The following SLC30A8 variants were observed in gnomAD, a reference collection of about 807,000 sequenced individuals.
SLC30A8 encodes solute carrier family 30 member 8.
Under a neutral mutation model 36.9 loss-of-function variants are expected in SLC30A8, and 27 were observed. The ratio of observed to expected loss-of-function variants is 0.73; its 90% CI spans 0.54 to 1.01. The LOEUF (loss-of-function observed/expected upper bound fraction) is 1.01, where lower values mean the gene tolerates loss of function less well. SLC30A8 is among the 50% of genes least tolerant of loss of function. The pLI is 0.00. For synonymous variants in SLC30A8, 164 were observed against 172.4 expected (o/e 0.95, Z 0.38); for missense variants, 439 against 452.0 (o/e 0.97, Z 0.26).
At chr8:117,153,723 G>GGTGGGTGTGTGTGTGT (rs1554591090) in intron 3 of SLC30A8, among the ~76,000 whole-genome samples, 13 of 146,910 alleles carry the variant, frequency 8.8e-5, no homozygotes, top group African/African-American at 3.3e-4. Flanking sequence ...CATGATAAGG[G>GGTGGGTGTGTGTGTGT]GTGTGTGTGT....
At chr8:117,083,248 A>G (rs1382263748) in intron 2 of SLC30A8, among the ~76,000 whole-genome samples, 2 of 152,264 alleles carry the variant, frequency 1.3e-5, no homozygotes, top group Non-Finnish European at 1.5e-5. Context: ...ATGCTATGAT[A>G]TGCTGCCCAG....
At chr8:117,022,466 G>C (rs539465157) in intron 1 of SLC30A8, among the ~76,000 whole-genome samples, 114 of 152,306 alleles carry the variant, frequency 7.5e-4, no homozygotes, top group African/African-American at 2.4e-3. Context: ...ATAAACCAGA[G>C]ATCACTACTG....
intron 1 of SLC30A8, among the ~76,000 whole-genome samples, chr8:116,983,938 G>T (rs1214376159): frequency 6.6e-6 from 1 of 152,072 alleles, no homozygotes; most frequent in African/African-American, 2.4e-5. Context: ...AAGATGCAGG[G>T]CTATTTCTTC....
intron 1 of SLC30A8, among the ~76,000 whole-genome samples, chr8:116,975,280 A>C (rs181304714): frequency 6.6e-6 from 1 of 152,220 alleles, no homozygotes; most frequent in African/African-American, 2.4e-5. Flanking sequence ...CTACACTGCC[A>C]GCTTTAGACT....
intron 1 of SLC30A8, among the ~76,000 whole-genome samples, chr8:116,999,730 T>G (rs1232224751): frequency 6.6e-6 from 1 of 152,166 alleles, no homozygotes; most frequent in Non-Finnish European, 1.5e-5. Flanking sequence ...CACCATAAAT[T>G]CTTTGATATT....
At chr8:116,957,044 C>T (rs563264500) in intron 1 of SLC30A8, among the ~76,000 whole-genome samples, 2 of 152,124 alleles carry the variant, frequency 1.3e-5, no homozygotes, top group African/African-American at 4.8e-5. Context: ...TACAGATTAT[C>T]ATCTGTACAG....
chr8:117,093,420 T>C (rs893831887), intron 2 of SLC30A8, among the ~76,000 whole-genome samples: 1 of 151,838 alleles, frequency 6.6e-6, no homozygotes, highest in Non-Finnish European at 1.5e-5. Context: ...TTCACCTTAC[T>C]GGGTTGGTTC....
At chr8:117,084,309 G>C (rs1818785806) in intron 2 of SLC30A8, among the ~76,000 whole-genome samples, 1 of 152,106 alleles carries the variant, frequency 6.6e-6, no homozygotes, top group Admixed American at 6.6e-5. Flanking sequence ...GAGACGACTG[G>C]TACCACATTA....
At chr8:117,165,702 C>T (rs1319378018) in intron 6 of SLC30A8, among the ~76,000 whole-genome samples, 1 of 152,040 alleles carries the variant, frequency 6.6e-6, no homozygotes, top group Non-Finnish European at 1.5e-5. Flanking sequence ...ACTGGAGCAT[C>T]AAAGGGAAAG....
chr8:117,124,353 A>G (rs988259127), intron 2 of SLC30A8, among the ~76,000 whole-genome samples: 4 of 151,938 alleles, frequency 2.6e-5, no homozygotes, highest in South Asian at 2.1e-4. Flanking sequence ...GCTCACAGCT[A>G]CAAAGATTTG....
chr8:117,154,779 T>C (rs1822388662), intron 3 of SLC30A8, among the ~76,000 whole-genome samples: 2 of 152,206 alleles, frequency 1.3e-5, no homozygotes, highest in South Asian at 4.1e-4. Flanking sequence ...AGCAGTTTTG[T>C]AAACCTAGGA....
chr8:117,022,451 C>T (rs1251200293), intron 1 of SLC30A8, among the ~76,000 whole-genome samples: 1 of 152,034 alleles, frequency 6.6e-6, no homozygotes, highest in East Asian at 1.9e-4. Context: ...TTTAGTGTCC[C>T]TCTTATAAAC....
chr8:117,151,566 C>T (rs1333853677), intron 2 of SLC30A8, among the ~76,000 whole-genome samples: 1 of 152,196 alleles, frequency 6.6e-6, no homozygotes, highest in Admixed American at 6.5e-5. Context: ...CATGCTTATT[C>T]CAAAGCAAGC....
chr8:117,114,835 G>C (rs1341929168), intron 2 of SLC30A8, among the ~76,000 whole-genome samples: 1 of 152,026 alleles, frequency 6.6e-6, no homozygotes, highest in Admixed American at 6.6e-5. Context: ...GGAATGTAGA[G>C]ATCTGAATTA....
intron 1 of SLC30A8, among the ~76,000 whole-genome samples, chr8:117,005,884 T>C (rs1432526977): frequency 6.6e-6 from 1 of 152,144 alleles, no homozygotes; most frequent in Non-Finnish European, 1.5e-5. Context: ...AGATTTACCC[T>C]CAAGTGACAG....
At chr8:117,086,686 A>G (rs940112930) in intron 2 of SLC30A8, among the ~76,000 whole-genome samples, 2 of 152,206 alleles carry the variant, frequency 1.3e-5, no homozygotes, top group African/African-American at 4.8e-5. Context: ...AGACAGAAAC[A>G]CAAGACAGGA....
intron 2 of SLC30A8, among the ~76,000 whole-genome samples, chr8:117,064,003 C>CT (rs35344529): frequency 0.02 from 2,936 of 145,306 alleles, 71 homozygotes; most frequent in African/African-American, 0.063. Context: ...GAAAAAAATC[C>CT]TTTTTTTTTT....
chr8:116,975,325 CTG>C (rs911117884), intron 1 of SLC30A8, among the ~76,000 whole-genome samples: 89 of 152,238 alleles, frequency 5.8e-4, no homozygotes, highest in African/African-American at 2.0e-3. Context: ...GAAAAATAAA[CTG>C]TGTTTATTTA....
chr8:116,974,388 A>G (rs1814904770), intron 1 of SLC30A8, among the ~76,000 whole-genome samples: 1 of 152,226 alleles, frequency 6.6e-6, no homozygotes, highest in Non-Finnish European at 1.5e-5. Context: ...ACATGAACAG[A>G]CACTTCTCAA....
Sources: allele counts gnomAD v4.1 joint callset (sites outside exome capture counted in the v4.1 genomes callset), GRCh38; gene constraint gnomAD v4.1.1; transcripts MANE v1.5; gene names NCBI Gene and HGNC (gene_info 2026-07-23, HGNC 2026-07-21).